The following DOCK1 variants were observed in gnomAD, a reference collection of about 807,000 sequenced individuals.
DOCK1 encodes dedicator of cytokinesis protein 1.
Under a neutral mutation model 262.7 loss-of-function variants are expected in DOCK1, and 138 were observed. The ratio of observed to expected loss-of-function variants is 0.53; its 90% CI spans 0.46 to 0.61. DOCK1 has a LOEUF of 0.61. DOCK1 is among the 20% of genes least tolerant of loss of function. DOCK1 has a pLI of 0.00. For missense variants in DOCK1, 1,908 were observed against 2,370.7 expected, an observed-to-expected ratio of 0.80 and a Z score of 4.05; for synonymous variants, 866 against 867.4, an observed-to-expected ratio of 1.00 and a Z score of 0.03.
At chr10:127,441,174 G>C (rs528706901) in intron 49 of DOCK1, among the ~76,000 whole-genome samples, 10 of 152,386 alleles carry the variant, frequency 6.6e-5, no homozygotes, top group African/African-American at 2.4e-4. Flanking sequence ...TGTGTGAAAA[G>C]AAGTCCAAGG....
At chr10:127,102,375 GT>G (rs1324325583) in intron 23 of DOCK1, among the ~76,000 whole-genome samples, 1 of 152,132 alleles carries the variant, frequency 6.6e-6, no homozygotes, top group Non-Finnish European at 1.5e-5. Context: ...TGTCTGACAG[GT>G]GCAGAATACT....
intron 22 of DOCK1, among the ~76,000 whole-genome samples, chr10:127,056,877 A>G (rs901044498): frequency 2.6e-5 from 4 of 152,160 alleles, no homozygotes; most frequent in African/African-American, 9.7e-5. Context: ...AAGATATTTC[A>G]TAGATTTTAT....
At position 127,026,086 on chromosome 10, in the gene DOCK1, A is replaced by G; in HGVS notation, c.1552-266A>G. The G allele has an allele frequency of 2.6e-5, 10 of 386,626 alleles. No individual in the cohort carries two copies. The South Asian group carries it at 2.8e-4, about 11-fold the overall frequency. 23.9% of individuals were successfully genotyped at this position (386,626 alleles called of 1,614,324 possible). On this transcript the variant is annotated intron_variant, in intron 15 of 51. Coordinates refer to ENST00000623213, the MANE Select transcript of DOCK1 (RefSeq NM_001290223.2). ...AAAAAAAAAAAAGAAAGAAAAAAGAATCTTAACAGTAATGGTCAGAGCATT... is the reference window on the plus strand; with the variant it reads ...AAAAAAAAAAAAGAAAGAAAAAAGAGTCTTAACAGTAATGGTCAGAGCATT...
chr10:127,103,719 A>T (rs1307480553), intron 23 of DOCK1, among the ~76,000 whole-genome samples: 2 of 152,166 alleles, frequency 1.3e-5, no homozygotes, highest in African/African-American at 4.8e-5. Flanking sequence ...GTGCTTAATT[A>T]TCACTGTATT....
intron 14 of DOCK1, 69 bp from the exon 15 acceptor site, chr10:127,024,616 T>C: frequency 7.8e-7 from 1 of 1,286,558 alleles, no homozygotes; most frequent in South Asian, 1.4e-5. Flanking sequence ...CCCACATATA[T>C]AGTGGGAGAT....
chr10:127,096,300 A>G (rs1031590097), intron 23 of DOCK1, among the ~76,000 whole-genome samples: 4 of 152,192 alleles, frequency 2.6e-5, no homozygotes, highest in Admixed American at 2.6e-4. Flanking sequence ...GAGTGGGTCG[A>G]GGGGCACCAA....
chr10:127,282,077 C>G (rs2060980808), intron 29 of DOCK1, among the ~76,000 whole-genome samples: 1 of 152,192 alleles, frequency 6.6e-6, no homozygotes, highest in Admixed American at 6.5e-5. Context: ...TTGTGTTGGG[C>G]TGCATTCAAA....
intron 13 of DOCK1, among the ~76,000 whole-genome samples, chr10:127,020,567 C>CAAAA (rs772736819): frequency 8.5e-6 from 1 of 117,128 alleles, no homozygotes; most frequent in Non-Finnish European, 1.8e-5. Flanking sequence ...GAACCTGTCT[C>CAAAA]AAAAAAAAAA....
intron 1 of DOCK1, among the ~76,000 whole-genome samples, chr10:126,956,923 G>C (rs1372310345): frequency 6.6e-6 from 1 of 152,220 alleles, no homozygotes; most frequent in African/African-American, 2.4e-5. Flanking sequence ...TTCTCTCTAG[G>C]GTCCTAGAGG....
At chr10:126,930,742 C>G (rs1174446598) in intron 1 of DOCK1, among the ~76,000 whole-genome samples, 2 of 152,230 alleles carry the variant, frequency 1.3e-5, no homozygotes, top group East Asian at 1.9e-4. Flanking sequence ...CATGTAGAGA[C>G]AAAGCTGCCT....
chr10:127,285,449 G>T (rs187736611), intron 29 of DOCK1, among the ~76,000 whole-genome samples: 1 of 152,170 alleles, frequency 6.6e-6, no homozygotes, highest in South Asian at 2.1e-4. Context: ...AATGGCCATC[G>T]CTGACTGTTT....
intron 29 of DOCK1, among the ~76,000 whole-genome samples, chr10:127,330,526 G>T (rs987214808): frequency 2.0e-5 from 3 of 152,180 alleles, no homozygotes; most frequent in Admixed American, 2.0e-4. Flanking sequence ...TAGTAGGATG[G>T]TTCCTCTAAA....
rs567256226 is a variant in DOCK1 at position 127,215,513 on chromosome 10, T to C, written c.2848-32495T>C. On this transcript the variant is annotated intron_variant, in intron 27 of 51. Coordinates refer to ENST00000623213, the MANE Select transcript of DOCK1 (RefSeq NM_001290223.2). ...AGAAGCTGTAGCTACATTCTGTACC[T>C]GTTTATCTTGAGTTCCTGCTAGCAG... Among the ~76,000 whole-genome samples, 3 of 152,322 alleles carry C rather than the reference T, an allele frequency of 2.0e-5. No individual in the cohort carries two copies. In the South Asian group the frequency reaches 6.2e-4, roughly 32 times the overall value.
At chr10:127,442,740 G>A (rs2134766261) in intron 49 of DOCK1, among the ~76,000 whole-genome samples, 2 of 152,330 alleles carry the variant, frequency 1.3e-5, no homozygotes, top group South Asian at 4.1e-4. Context: ...ACGCCAAGGA[G>A]ACCAAAGCAT....
intron 39 of DOCK1, 139 bp downstream of exon 39, chr10:127,403,283 A>G: frequency 1.2e-6 from 1 of 806,960 alleles, no homozygotes; most frequent in Non-Finnish European, 1.9e-6. Context: ...TTTGCCTAGG[A>G]AGATGGTTTT....
At position 127,153,971 on chromosome 10, in the gene DOCK1, CT is replaced by C. The variant is rs773584756; in HGVS notation, c.2847+26208del. On this transcript the variant is annotated intron_variant, in intron 27 of 51. Transcript: ENST00000623213. ...CATTACAAGCGGTGGCTGGGGGTCA[CT>C]GGCTTTATAGAGCAGATGCCTCAAA... 7.7e-5 allele frequency: 109 copies of C among 1,414,368 alleles called. No homozygotes were observed. The South Asian group carries it at 1.2e-3, about 15-fold the overall frequency. 87.6% of individuals were successfully genotyped at this position (1,414,368 alleles called of 1,614,324 possible). A position where few individuals can be genotyped will look rare whatever the true frequency, so the allele number is the denominator to read the frequency against.
chr10:127,088,352 G>A (rs949786338), intron 23 of DOCK1, among the ~76,000 whole-genome samples: 4 of 152,188 alleles, frequency 2.6e-5, no homozygotes, highest in African/African-American at 9.7e-5. Flanking sequence ...TTGATTGTAA[G>A]CAGAGATGTC....
intron 1 of DOCK1, among the ~76,000 whole-genome samples, chr10:126,946,706 A>G (rs1238843398): frequency 6.6e-6 from 1 of 152,212 alleles, no homozygotes; most frequent in African/African-American, 2.4e-5. Flanking sequence ...CGCAGAGCAC[A>G]GTATCTTCCG....
At chr10:127,435,966 C>G (rs762296613) in intron 48 of DOCK1, among the ~76,000 whole-genome samples, 2 of 152,134 alleles carry the variant, frequency 1.3e-5, no homozygotes, top group South Asian at 4.2e-4. Flanking sequence ...TTTCACAACC[C>G]GGGTCTTCTC....
Sources: gnomAD v4.1 joint callset for allele counts (sites outside exome capture counted in the v4.1 genomes callset) on GRCh38, gnomAD v4.1.1 for gene constraint, MANE v1.5 for transcripts, NCBI Gene and HGNC (gene_info 2026-07-23, HGNC 2026-07-21) for gene names.